EPB41: variants seen among roughly 807,000 people sequenced by gnomAD.
EPB41 encodes the protein protein 4.1.
In EPB41, 65 loss-of-function variants were observed where a neutral mutation model predicts 108.0. The ratio of observed to expected loss-of-function variants is 0.60; its 90% CI spans 0.49 to 0.74. The LOEUF (loss-of-function observed/expected upper bound fraction) is 0.74, where lower values mean the gene tolerates loss of function less well. Ranked by LOEUF, EPB41 falls within the 30% of genes least tolerant of loss-of-function variation. The probability of loss-of-function intolerance (pLI) is 0.00; values close to 1 mark genes in which losing one functional copy is unlikely to be tolerated. For synonymous variants in EPB41, 336 were observed against 358.9 expected (o/e 0.94, Z 0.72); for missense variants, 875 against 1,037.0 (o/e 0.84, Z 2.15).
chr1:29,063,681 A>G (rs1646902206), intron 15 of EPB41, among the ~76,000 whole-genome samples: 1 of 152,228 alleles, frequency 6.6e-6, no homozygotes, highest in African/African-American at 2.4e-5. Flanking sequence ...TTCACCAAGC[A>G]TATTAGGAGA....
chr1:28,975,825 G>T (rs544905308), intron 1 of EPB41, among the ~76,000 whole-genome samples: 1 of 151,582 alleles, frequency 6.6e-6, no homozygotes, highest in Admixed American at 6.6e-5. Flanking sequence ...AAAATTAGCC[G>T]GGCATGGTGG....
chr1:28,982,266 A>C (rs2095769376), intron 1 of EPB41: 2 of 505,290 alleles, frequency 4.0e-6, no homozygotes, highest in African/African-American at 2.0e-5. Flanking sequence ...TTTAATGACC[A>C]AAACAAAGCA....
intron 11 of EPB41, among the ~76,000 whole-genome samples, chr1:29,051,750 T>G (rs1408757225): frequency 6.6e-6 from 1 of 151,928 alleles, no homozygotes; most frequent in Non-Finnish European, 1.5e-5. Context: ...TACAAAAAAT[T>G]AGCCAGGCAT....
Position 29,065,010 on chromosome 1 carries a change from A to G in EPB41, c.2036A>G (p.Lys679Arg), listed in dbSNP as rs749331546. ...EDLDKSQEEI[K>R]KHHASISELK... ...TTAGACAAGAGTCAAGAGGAGATCA[A>G]AAAACATCATGCCAGCATCAGTGAG... Residue 679 changes from lysine (K) to arginine (R), a missense_variant, in exon 16 of 21, where the codon AAA (lysine) becomes AGA (arginine). This residue lies in a region of EPB41 where 519 missense variants were observed against 627.3 expected (regional missense o/e 0.83). Coordinates refer to ENST00000343067, the MANE Select transcript of EPB41 (RefSeq NM_001376013.1). 5 of 1,614,162 alleles carry G rather than the reference A, an allele frequency of 3.1e-6. No individual in the cohort carries two copies. The highest frequency in any genetic ancestry group is 1.3e-5 in the African/African-American group (1 of 75,056).
intron 11 of EPB41, among the ~76,000 whole-genome samples, chr1:29,052,054 A>G (rs1644619154): frequency 6.6e-6 from 1 of 152,236 alleles, no homozygotes; most frequent in Non-Finnish European, 1.5e-5. Flanking sequence ...GAATGAACAT[A>G]AAAACCATAA....
intron 16 of EPB41, among the ~76,000 whole-genome samples, chr1:29,074,949 GA>G (rs1653253118): frequency 6.6e-6 from 1 of 152,076 alleles, no homozygotes; most frequent in African/African-American, 2.4e-5. Context: ...ACAAGGTCAG[GA>G]GATCGAGACC....
intron 16 of EPB41, among the ~76,000 whole-genome samples, chr1:29,085,433 C>T (rs1658445379): frequency 6.6e-6 from 1 of 152,038 alleles, no homozygotes; most frequent in South Asian, 2.1e-4. Flanking sequence ...GCGTGAGCCA[C>T]CACACCTGGC....
chr1:28,960,759 G>T (rs897447435), intron 1 of EPB41, among the ~76,000 whole-genome samples: 1 of 150,484 alleles, frequency 6.6e-6, no homozygotes, highest in Admixed American at 6.6e-5. Context: ...CAGGCCAGGC[G>T]CAATGGCTCA....
intron 17 of EPB41, among the ~76,000 whole-genome samples, chr1:29,100,326 T>C (rs373991321): frequency 7.0e-6 from 1 of 142,742 alleles, no homozygotes; most frequent in Non-Finnish European, 1.5e-5. Flanking sequence ...AAAAATTAGC[T>C]GGGCATGGTG....
chr1:29,040,980 A>G (rs1641271411), intron 11 of EPB41, among the ~76,000 whole-genome samples: 1 of 151,908 alleles, frequency 6.6e-6, no homozygotes, highest in Admixed American at 6.6e-5. Flanking sequence ...TAGTAAAAAT[A>G]CAAAAATCAG....
chr1:28,994,508 A>G (rs546713179), intron 3 of EPB41, among the ~76,000 whole-genome samples: 70 of 152,042 alleles, frequency 4.6e-4, no homozygotes, highest in Non-Finnish European at 8.8e-4. Context: ...TACTAACTAT[A>G]TATTTTTCAA....
At chr1:28,979,320 A>G (rs1412802596) in intron 1 of EPB41, among the ~76,000 whole-genome samples, 3 of 151,424 alleles carry the variant, frequency 2.0e-5, no homozygotes, top group African/African-American at 7.3e-5. Flanking sequence ...GACCACAACC[A>G]CTCTCCAAAT....
chr1:29,091,555 T>C (rs1661190398), intron 16 of EPB41, among the ~76,000 whole-genome samples: 1 of 152,208 alleles, frequency 6.6e-6, no homozygotes, highest in Admixed American at 6.5e-5. Flanking sequence ...GCTCATTGGT[T>C]GGTTGAATTA....
At chr1:29,028,084 A>G (rs754930585) in intron 7 of EPB41, among the ~76,000 whole-genome samples, 27 of 152,106 alleles carry the variant, frequency 1.8e-4, no homozygotes, top group Non-Finnish European at 1.5e-5. Context: ...TCGGCCTCCC[A>G]AAGTGCTGGG....
At chr1:28,917,305 G>T (rs920887098) in intron 1 of EPB41, among the ~76,000 whole-genome samples, 1 of 151,404 alleles carries the variant, frequency 6.6e-6, no homozygotes. Context: ...TTTTGAGATG[G>T]AGTCTTACTC....
At chr1:28,966,842 AT>A (rs1202338702) in intron 1 of EPB41, among the ~76,000 whole-genome samples, 2 of 152,134 alleles carry the variant, frequency 1.3e-5, no homozygotes, top group African/African-American at 4.8e-5. Flanking sequence ...AGGACAGGCA[AT>A]TGCAAGGACT....
chr1:29,045,830 G>A, intron 11 of EPB41, among the ~76,000 whole-genome samples: 1 of 144,024 alleles, frequency 6.9e-6, no homozygotes, highest in Non-Finnish European at 1.5e-5. Context: ...AAAAAAATTA[G>A]CTGAGCATGG....
At chr1:28,934,094 T>A (rs1040884868) in intron 1 of EPB41, among the ~76,000 whole-genome samples, 2 of 152,174 alleles carry the variant, frequency 1.3e-5, no homozygotes, top group Non-Finnish European at 2.9e-5. Context: ...TGATTGTTTC[T>A]CAGACTTGCT....
chr1:28,927,421 G>C (rs1325020937), intron 1 of EPB41, among the ~76,000 whole-genome samples: 3 of 152,040 alleles, frequency 2.0e-5, no homozygotes, highest in Non-Finnish European at 2.9e-5. Context: ...TTCGTGTTGG[G>C]TATCTGTTCT....
Sources: allele counts gnomAD v4.1 joint callset (sites outside exome capture counted in the v4.1 genomes callset), GRCh38; gene constraint gnomAD v4.1.1; regional missense constraint gnomAD v4.1.1; transcripts MANE v1.5; gene names NCBI Gene and HGNC (gene_info 2026-07-23, HGNC 2026-07-21).